APC2: variants seen among roughly 807,000 people sequenced by gnomAD.
APC2 encodes the protein APC regulator of Wnt signaling pathway 2.
A neutral mutation model predicts 72.5 loss-of-function variants in APC2; 41 were observed. The observed-to-expected ratio is 0.57, with a 90% CI of 0.44 to 0.73. The LOEUF (loss-of-function observed/expected upper bound fraction) is 0.73. APC2 is among the 30% of genes least tolerant of loss of function. The probability of loss-of-function intolerance (pLI) is 0.00; values close to 1 mark genes in which losing one functional copy is unlikely to be tolerated. For synonymous variants in APC2, 1,898 were observed against 1,612.0 expected (o/e 1.18, Z -4.25); for missense variants, 3,729 against 3,403.4 (o/e 1.10, Z -2.38).
chr19:1,461,618 C>G (rs6510609), intron 13 of APC2: 16 of 314,054 alleles, frequency 5.1e-5, no homozygotes, highest in African/African-American at 2.8e-4. Context: ...TTTGGGAGGC[C>G]GAGGCGGGCG....
rs1475450538 is a variant in APC2 at position 1,471,819 on chromosome 19, C to T, written c.*1606C>T. 1 of 152,410 alleles carries T rather than the reference C, an allele frequency of 6.6e-6. No individual in the cohort carries two copies. Among genetic ancestry groups the T allele is most frequent in the Non-Finnish European group, 1.5e-5 (1 of 68,146 alleles). 9.4% of individuals were successfully genotyped at this position (152,410 alleles called of 1,614,324 possible). On this transcript the variant is annotated 3_prime_UTR_variant, in exon 15 of 15. Transcript: ENST00000590469. Reference sequence around the variant, plus strand: ...CAGCCTTTCTGGCAGAAGGAGCTGTCCTCAACTCAGGGCCGCTGTGAGCAA... The same window carrying T: ...CAGCCTTTCTGGCAGAAGGAGCTGTTCTCAACTCAGGGCCGCTGTGAGCAA...
intron 14 of APC2, among the ~76,000 whole-genome samples, chr19:1,464,036 G>T (rs1459171937): frequency 1.3e-5 from 2 of 151,796 alleles, no homozygotes; most frequent in Middle Eastern, 3.4e-3. Context: ...TTAGCCAGTG[G>T]GGTGGTGGAC....
Position 1,461,803 on chromosome 19 carries a change from G to A in APC2, c.1639-160G>A, listed in dbSNP as rs1372622287. Reference sequence around the variant, plus strand: ...GGAGTCGGAGCCTGCAGTGAGTCGAGATCTCGCCACTGCACTCCAGCCTGG... The same window carrying A: ...GGAGTCGGAGCCTGCAGTGAGTCGAAATCTCGCCACTGCACTCCAGCCTGG... On this transcript the variant is annotated intron_variant, in intron 13 of 14. Coordinates refer to ENST00000590469, the MANE Select transcript of APC2 (RefSeq NM_005883.3). The A allele has an allele frequency of 5.6e-5, 35 of 628,894 alleles. No homozygotes were observed. The South Asian group carries it at 7.2e-4, about 13-fold the overall frequency. The allele number at this position is 628,894 out of a possible 1,614,324, so 39.0% of individuals were successfully genotyped here. A position where few individuals can be genotyped will look rare whatever the true frequency, so the allele number is the denominator to read the frequency against.
rs265297 is a variant in APC2, at chr19:1,452,816, C to G, written c.-18-168C>G. On this transcript the variant is annotated intron_variant, in intron 1 of 14. Transcript: ENST00000590469. This position sits in a 1 kb window ranked among gnomAD's most constrained non-coding sequence, Gnocchi z 5.1. ...CTCTGCGCCCCGGATTGCCTGGCCACCACCACGTGGGCCTGTACTTGTCCA... is the reference window on the plus strand; with the variant it reads ...CTCTGCGCCCCGGATTGCCTGGCCAGCACCACGTGGGCCTGTACTTGTCCA... 0.6 allele frequency: 483,794 copies of G among 808,942 alleles called. 147,082 individuals carry two copies. The highest frequency in any genetic ancestry group is 0.79 in the African/African-American group (45,581 of 57,588). 50.1% of individuals were successfully genotyped at this position (808,942 alleles called of 1,614,324 possible).
upstream of APC2, among the ~76,000 whole-genome samples, chr19:1,449,770 G>C (rs1402173909): frequency 6.6e-6 from 1 of 152,156 alleles, no homozygotes; most frequent in African/African-American, 2.4e-5. Context: ...CCCCAGCCCG[G>C]CCACTGCCCT....
At chr19:1,456,439 T>G in intron 8 of APC2, 35 bp downstream of exon 8, 1 of 1,541,410 alleles carries the variant, frequency 6.5e-7, no homozygotes, top group Non-Finnish European at 8.7e-7. Context: ...CTGGCGCAGC[T>G]GTCTGGGCTG....
chr19:1,461,726 T>C (rs543188656), intron 13 of APC2: 59 of 506,320 alleles, frequency 1.2e-4, no homozygotes, highest in South Asian at 5.7e-4. Flanking sequence ...GTGGCGGGTG[T>C]CTGTAGTCCC....
At chr19:1,457,917 G>A in intron 9 of APC2, 48 bp from the exon 10 acceptor site, 1 of 1,503,320 alleles carries the variant, frequency 6.7e-7, no homozygotes, top group Non-Finnish European at 8.9e-7. Context: ...GAGTCACCTG[G>A]GACATTTCCT....
intron 14 of APC2, 61 bp downstream of exon 14, chr19:1,462,238 G>T: frequency 6.9e-7 from 1 of 1,450,012 alleles, no homozygotes; most frequent in Non-Finnish European, 9.2e-7. Context: ...CACAGGGCTG[G>T]GCTGGGCACT....
Position 1,468,620 on chromosome 19 carries a change from G to C in APC2, c.5319G>C (p.Lys1773Asn). Residue 1773 changes from lysine to asparagine, a missense_variant, in exon 15 of 15, where the codon AAG (lysine) becomes AAC (asparagine). Physicochemically the swap from Lys to Asn is moderately conservative, Grantham distance 94 (BLOSUM62 0). Coordinates refer to ENST00000590469, the MANE Select transcript of APC2 (RefSeq NM_005883.3). Reference sequence around the variant, plus strand: ...CCCGTTCCCCTGCAGGCCCCGAGAAGCCACGTGGCACACAGAAGACCACGC... The same window carrying C: ...CCCGTTCCCCTGCAGGCCCCGAGAACCCACGTGGCACACAGAAGACCACGC... ...GSPRSPAGPE[K>N]PRGTQKTTPG... 1 of 1,601,538 alleles carries C rather than the reference G, an allele frequency of 6.2e-7. No individual in the cohort carries two copies. Among genetic ancestry groups the C allele is most frequent in the Non-Finnish European group, 8.5e-7 (1 of 1,172,886 alleles).
chr19:1,458,401 G>GT, intron 10 of APC2: 1 of 284,734 alleles, frequency 3.5e-6, no homozygotes, highest in Non-Finnish European at 6.6e-6. Flanking sequence ...GGTGTTTTAC[G>GT]TTTGAGGACA....
chr19:1,465,018 AT>A, intron 14 of APC2, 136 bp from the exon 15 acceptor site: 1 of 828,110 alleles, frequency 1.2e-6, no homozygotes, highest in Non-Finnish European at 1.8e-6. Context: ...GGATATACTT[AT>A]ACCAAAAATT....
rs1159447965 is a variant in APC2 at position 1,470,414 on chromosome 19, C to T, written c.*201C>T. On this transcript the variant is annotated 3_prime_UTR_variant, in exon 15 of 15. Coordinates refer to ENST00000590469, the MANE Select transcript of APC2 (RefSeq NM_005883.3). ...GACCTTGCCTCTGTGCCGCGGAGGT[C>T]CAGGAGGAAACGGGGCGGCCGCTAG... 5.2e-5 allele frequency: 41 copies of T among 782,022 alleles called. No individual in the cohort carries two copies. The highest frequency in any genetic ancestry group is 3.4e-4 in the South Asian group (15 of 44,774). The allele number at this position is 782,022 out of a possible 1,614,324, so 48.4% of individuals were successfully genotyped here.
intron 10 of APC2, among the ~76,000 whole-genome samples, chr19:1,459,720 G>T (rs1250381278): frequency 6.6e-6 from 1 of 152,214 alleles, no homozygotes; most frequent in Non-Finnish European, 1.5e-5. Context: ...TTTGTAATGG[G>T]GAAGCGGGGC....
At chr19:1,453,898 G>A (rs2083778967) in intron 4 of APC2, among the ~76,000 whole-genome samples, 1 of 152,208 alleles carries the variant, frequency 6.6e-6, no homozygotes, top group South Asian at 2.1e-4. Flanking sequence ...CCAGGGGTCC[G>A]AGACACGCAG....
At position 1,465,976 on chromosome 19, in the gene APC2, G is replaced by T; in HGVS notation, c.2675G>T (p.Cys892Phe). The T allele has an allele frequency of 6.5e-7, 1 of 1,539,788 alleles. No individual in the cohort carries two copies. The change falls in exon 15 of 15, where the codon TGC (cysteine) becomes TTC (phenylalanine). Residue 892 changes from cysteine (C) to phenylalanine (F), a missense_variant. By Grantham distance (205) the Cys-to-Phe change is radical. Coordinates refer to ENST00000590469, the MANE Select transcript of APC2 (RefSeq NM_005883.3). Reference sequence around the variant, plus strand: ...CCACGGGAGGGCCGCGCCCAGTCCTGCTCGCCATGCCGCGGCCCGGAGGGC... The same window carrying T: ...CCACGGGAGGGCCGCGCCCAGTCCTTCTCGCCATGCCGCGGCCCGGAGGGC... ...EAPREGRAQS[C>F]SPCRGPEGGR...
rs200462510 is a variant in APC2, at chr19:1,456,747, T to TG, written c.817-102dup. On this transcript the variant is annotated intron_variant, in intron 8 of 14. Coordinates refer to ENST00000590469, the MANE Select transcript of APC2 (RefSeq NM_005883.3). The stretch of plus-strand genomic sequence containing the variant: ...CCCTCATCTGTCCCCCAGGTGGGCG[T>TG]GGGGCTGCCCTTGGGGACGGGGCAG... 8.8e-3 allele frequency: 12,042 copies of TG among 1,362,872 alleles called. 62 individuals carry two copies. The highest frequency in any genetic ancestry group is 0.011 in the Non-Finnish European group (10,882 of 1,020,992). The allele number at this position is 1,362,872 out of a possible 1,614,324, so 84.4% of individuals were successfully genotyped here.
chr19:1,466,564 G>T lies in APC2; in HGVS notation c.3263G>T (p.Gly1088Val). The change falls in exon 15 of 15, where the codon GGT becomes GTT. Residue 1088 changes from glycine to valine, a missense_variant. By Grantham distance (109) the Gly-to-Val change is moderately radical. Coordinates refer to ENST00000590469, the MANE Select transcript of APC2 (RefSeq NM_005883.3). ...SAGRPGPSEG[G>V]DLDDSDSSLE... ...GGCCGCCCAGGCCCCAGCGAGGGTGGTGACCTGGATGACAGTGACTCCTCC... is the reference window on the plus strand; with the variant it reads ...GGCCGCCCAGGCCCCAGCGAGGGTGTTGACCTGGATGACAGTGACTCCTCC... The T allele has an allele frequency of 6.3e-7, 1 of 1,580,542 alleles. No individual in the cohort carries two copies. The highest frequency in any genetic ancestry group is 8.5e-7 in the Non-Finnish European group (1 of 1,171,188).
upstream of APC2, among the ~76,000 whole-genome samples, chr19:1,448,800 T>C (rs112204687): frequency 1.5e-3 from 209 of 144,066 alleles, 1 homozygote; most frequent in East Asian, 0.023. Flanking sequence ...GCCGAGAACG[T>C]GCCACTGCAC....
Sources: allele counts gnomAD v4.1 joint callset (sites outside exome capture counted in the v4.1 genomes callset), GRCh38; gene constraint gnomAD v4.1.1; non-coding constraint Gnocchi (gnomAD v3.1); transcripts MANE v1.5; gene names NCBI Gene and HGNC (gene_info 2026-07-23, HGNC 2026-07-21).